The following NXPE3 variants were observed in gnomAD, a reference collection of about 807,000 sequenced individuals.
NXPE3 encodes the protein NXPE family member 3.
A neutral mutation model predicts 46.1 loss-of-function variants in NXPE3; 26 were observed. The observed-to-expected ratio is 0.56, with a 90% CI of 0.41 to 0.78. The LOEUF (loss-of-function observed/expected upper bound fraction) is 0.78, where lower values mean the gene tolerates loss of function less well. Ranked by LOEUF, NXPE3 falls within the 30% of genes least tolerant of loss-of-function variation. NXPE3 has a pLI of 0.00. For missense variants in NXPE3, 620 were observed against 686.0 expected (o/e 0.90, Z 1.07); for synonymous variants, 272 against 257.9 (o/e 1.05, Z -0.52).
intron 6 of NXPE3, among the ~76,000 whole-genome samples, chr3:101,812,649 A>G (rs556938871): frequency 2.0e-5 from 3 of 151,802 alleles, no homozygotes; most frequent in Non-Finnish European, 4.4e-5. Context: ...CATCTCTACT[A>G]AAAATGCAAA....
chr3:101,818,007 C>T (rs1942044352), intron 7 of NXPE3, among the ~76,000 whole-genome samples: 2 of 152,146 alleles, frequency 1.3e-5, no homozygotes, highest in African/African-American at 4.8e-5. Context: ...CCTCCCACCT[C>T]AGCCTCCCAA....
chr3:101,791,732 A>C (rs1181307609), intron 4 of NXPE3, among the ~76,000 whole-genome samples: 1 of 152,164 alleles, frequency 6.6e-6, no homozygotes, highest in Admixed American at 6.5e-5. Flanking sequence ...TGCTGTTGTG[A>C]ATAGTGCTGC....
At chr3:101,803,811 G>A (rs572450433) in intron 5 of NXPE3, among the ~76,000 whole-genome samples, 2 of 152,154 alleles carry the variant, frequency 1.3e-5, no homozygotes, top group African/African-American at 4.8e-5. Context: ...GTAGAAATGT[G>A]GTTTCACTAT....
At chr3:101,793,417 G>T (rs904172582) in intron 4 of NXPE3, among the ~76,000 whole-genome samples, 3 of 151,952 alleles carry the variant, frequency 2.0e-5, no homozygotes, top group African/African-American at 7.3e-5. Context: ...GTTTCTTCTA[G>T]CTAGCATGTA....
chr3:101,794,296 G>A lies in NXPE3; in HGVS notation c.94-6939G>A, dbSNP rs375227434. On this transcript the variant is annotated intron_variant, in intron 4 of 7. Transcript: ENST00000273347. ...CATATAACCTTTTATAGGACAAGGA[G>A]CATGAGTATATTGTGAGTATTCTTG... Among the ~76,000 whole-genome samples, 38 of 152,272 alleles carry A rather than the reference G, an allele frequency of 2.5e-4. No homozygotes were observed. The East Asian group carries it at 4.1e-3, about 16-fold the overall frequency.
intron 5 of NXPE3, among the ~76,000 whole-genome samples, chr3:101,806,486 G>A (rs986614530): frequency 2.0e-5 from 3 of 152,090 alleles, no homozygotes; most frequent in African/African-American, 7.2e-5. Context: ...AGTAGTATAT[G>A]TTTTATTTTA....
In NXPE3 at chr3:101,815,888, C is replaced by T. The variant is rs375526751; in HGVS notation, c.923-907C>T. On this transcript the variant is annotated intron_variant, in intron 6 of 7. Coordinates refer to ENST00000273347, the MANE Select transcript of NXPE3 (RefSeq NM_145037.4). ...GTACACGCCTGTACTCCCAGCTACTCGGGAGGCTGAGGCAGGAGAATCGCT... is the reference window on the plus strand; with the variant it reads ...GTACACGCCTGTACTCCCAGCTACTTGGGAGGCTGAGGCAGGAGAATCGCT... Among the ~76,000 whole-genome samples, 3 of 151,940 alleles carry T rather than the reference C, an allele frequency of 2.0e-5. No individual in the cohort carries two copies. The East Asian group carries it at 5.8e-4, about 29-fold the overall frequency.
intron 6 of NXPE3, among the ~76,000 whole-genome samples, chr3:101,808,228 T>G (rs892484746): frequency 2.0e-5 from 3 of 152,202 alleles, no homozygotes; most frequent in Non-Finnish European, 4.4e-5. Context: ...AATGTAAATT[T>G]TGCAGAATAG....
rs542921971 is a variant in NXPE3 at position 101,813,171 on chromosome 3, C to T, written c.923-3624C>T. On this transcript the variant is annotated intron_variant, in intron 6 of 7. Transcript: ENST00000273347. ...TCCCTACTGACCTTATCCCAAGCTTCCTATGCTCATGGCAGTCTCTGGTGC... is the reference window on the plus strand; with the variant it reads ...TCCCTACTGACCTTATCCCAAGCTTTCTATGCTCATGGCAGTCTCTGGTGC... 2.0e-5 allele frequency among the ~76,000 whole-genome samples: 3 copies of T among 152,286 alleles called. No individual in the cohort carries two copies. The South Asian group carries it at 6.2e-4, about 32-fold the overall frequency.
chr3:101,820,592 C>G (rs59005393), intron 7 of NXPE3, among the ~76,000 whole-genome samples: 2 of 152,126 alleles, frequency 1.3e-5, no homozygotes, highest in African/African-American at 2.4e-5. Flanking sequence ...TTCATTGCAG[C>G]GCTGTTCACG....
At chr3:101,806,985 A>T (rs1941447212) in intron 5 of NXPE3, 68 bp from the exon 6 acceptor site, 2 of 1,045,594 alleles carry the variant, frequency 1.9e-6, no homozygotes, top group Non-Finnish European at 1.5e-6. Context: ...ATCATTTGCC[A>T]ATAAAGACAT....
intron 6 of NXPE3, among the ~76,000 whole-genome samples, chr3:101,810,580 A>G (rs1195759824): frequency 6.6e-6 from 1 of 152,222 alleles, no homozygotes; most frequent in Non-Finnish European, 1.5e-5. Context: ...CTTAGATCAG[A>G]TAAGCCCTTA....
intron 4 of NXPE3, among the ~76,000 whole-genome samples, chr3:101,786,172 T>C (rs1940163035): frequency 6.6e-6 from 1 of 152,174 alleles, no homozygotes; most frequent in South Asian, 2.1e-4. Context: ...CATGTCTTAC[T>C]GAATCCCTCA....
Position 101,808,844 on chromosome 3 carries a change from T to TAC in NXPE3, c.922+1719_922+1720insCA, listed in dbSNP as rs1560057797. Among the ~76,000 whole-genome samples the TAC allele has an allele frequency of 4.1e-4, 53 of 129,388 alleles. 4 individuals are homozygous for TAC. In the Middle Eastern group the frequency reaches 0.022, roughly 55 times the overall value. The allele number at this position is 129,388 out of a possible 152,430, so 84.9% of individuals were successfully genotyped here. On this transcript the variant is annotated intron_variant, in intron 6 of 7. Coordinates refer to ENST00000273347, the MANE Select transcript of NXPE3 (RefSeq NM_145037.4). ...ATATATATATATATATATATATATA[T>TAC]ATATATATATATGAGACATTTATCT...
At chr3:101,786,041 A>C (rs1940156613) in intron 4 of NXPE3, among the ~76,000 whole-genome samples, 1 of 152,186 alleles carries the variant, frequency 6.6e-6, no homozygotes. Flanking sequence ...TAGAGTGATG[A>C]AGGAAAAACC....
intron 4 of NXPE3, among the ~76,000 whole-genome samples, chr3:101,800,309 T>TTACCC (rs533413389): frequency 4.8e-4 from 73 of 152,348 alleles, no homozygotes; most frequent in Admixed American, 7.8e-4. Context: ...ATTTTGTATG[T>TTACCC]TACCCATTTG....
Position 101,801,498 on chromosome 3 carries a change from G to A in NXPE3, c.357G>A (p.Val119=), listed in dbSNP as rs757045585. 1 of 1,614,126 alleles carries A rather than the reference G, an allele frequency of 6.2e-7. No homozygotes were observed. The highest frequency in any genetic ancestry group is 1.7e-5 in the Admixed American group (1 of 60,014). The part of the protein sequence containing the change: ...VILNSAAFFK[V]GSQLEVLVHV... ...TGAACTCTGCTGCCTTCTTTAAGGTGGGAAGCCAGCTTGAGGTGCTGGTTC... is the reference window on the plus strand; with the variant it reads ...TGAACTCTGCTGCCTTCTTTAAGGTAGGAAGCCAGCTTGAGGTGCTGGTTC... Residue 119 remains valine, a synonymous_variant, in exon 5 of 8, where the codon GTG becomes GTA. Transcript: ENST00000273347.
At chr3:101,808,278 A>G (rs905921309) in intron 6 of NXPE3, among the ~76,000 whole-genome samples, 1 of 152,230 alleles carries the variant, frequency 6.6e-6, no homozygotes, top group Non-Finnish European at 1.5e-5. Context: ...GAAGGGATGA[A>G]TGTTACTAGT....
intron 5 of NXPE3, among the ~76,000 whole-genome samples, chr3:101,805,678 A>G (rs1345149923): frequency 6.6e-6 from 1 of 151,986 alleles, no homozygotes; most frequent in Non-Finnish European, 1.5e-5. Context: ...GGCCTCAAGG[A>G]TATCTGCCCG....
Sources: allele counts gnomAD v4.1 joint callset (sites outside exome capture counted in the v4.1 genomes callset), GRCh38; gene constraint gnomAD v4.1.1; transcripts MANE v1.5; gene names NCBI Gene and HGNC (gene_info 2026-07-23, HGNC 2026-07-21).